The following XPR1 variants were observed in gnomAD, a reference collection of about 807,000 sequenced individuals.
XPR1 encodes solute carrier family 53 member 1.
A neutral mutation model predicts 87.5 loss-of-function variants in XPR1; 28 were observed. The observed-to-expected ratio is 0.32, with a 90% confidence interval of 0.24 to 0.44. The LOEUF (loss-of-function observed/expected upper bound fraction) is 0.44. XPR1 is among the 20% of genes least tolerant of loss of function. The probability of loss-of-function intolerance (pLI) is 1.00; values close to 1 mark genes in which losing one functional copy is unlikely to be tolerated. For synonymous variants in XPR1, 300 were observed against 306.1 expected, an observed-to-expected ratio of 0.98 and a Z score of 0.21; for missense variants, 559 against 862.3, an observed-to-expected ratio of 0.65 and a Z score of 4.41.
At chr1:180,776,423 A>C (rs1648719756) in intron 2 of XPR1, among the ~76,000 whole-genome samples, 1 of 152,056 alleles carries the variant, frequency 6.6e-6, no homozygotes, top group Non-Finnish European at 1.5e-5. Flanking sequence ...GTATAATTGT[A>C]TAATTATACA....
chr1:180,807,777 G>T (rs1650054130), intron 6 of XPR1, among the ~76,000 whole-genome samples: 1 of 152,174 alleles, frequency 6.6e-6, no homozygotes, highest in South Asian at 2.1e-4. Flanking sequence ...GGCTGAGGCA[G>T]GTGGATCACT....
intron 2 of XPR1, among the ~76,000 whole-genome samples, chr1:180,725,000 A>C (rs1658289397): frequency 6.6e-6 from 1 of 152,318 alleles, no homozygotes; most frequent in Non-Finnish European, 1.5e-5. Context: ...CCATGGTGAA[A>C]CAAGGATTGA....
chr1:180,790,435 A>AGG (rs1423896544), intron 3 of XPR1, among the ~76,000 whole-genome samples: 1 of 151,992 alleles, frequency 6.6e-6, no homozygotes, highest in African/African-American at 2.4e-5. Flanking sequence ...CTTTTTCCTT[A>AGG]GGCAGAGGGA....
rs546412582 is a variant in XPR1, at chr1:180,676,251, G to A, written c.70-6109G>A. 2.6e-4 allele frequency among the ~76,000 whole-genome samples: 39 copies of A among 152,228 alleles called. 1 individual carries two copies. The highest frequency in any genetic ancestry group is 3.4e-3 in the Middle Eastern group (1 of 294). Reference sequence around the variant, plus strand: ...TTTGAATTCAATAACTATTTATTGAGCGCCTACTGTGTATAAGTCACTGCA... The same window carrying A: ...TTTGAATTCAATAACTATTTATTGAACGCCTACTGTGTATAAGTCACTGCA... On this transcript the variant is annotated intron_variant, in intron 1 of 14. Transcript: ENST00000367590.
chr1:180,711,794 A>G (rs1224592992), intron 2 of XPR1, among the ~76,000 whole-genome samples: 2 of 152,188 alleles, frequency 1.3e-5, no homozygotes, highest in African/African-American at 2.4e-5. Flanking sequence ...CAAGGTCACA[A>G]AGATTTTCTC....
At chr1:180,833,598 A>G (rs532825114) in intron 9 of XPR1, among the ~76,000 whole-genome samples, 1 of 152,340 alleles carries the variant, frequency 6.6e-6, no homozygotes, top group Admixed American at 6.5e-5. Flanking sequence ...AGGGCATTAC[A>G]TAATGGTAAA....
chr1:180,634,959 A>G (rs1654716494), intron 1 of XPR1, among the ~76,000 whole-genome samples: 1 of 152,112 alleles, frequency 6.6e-6, no homozygotes, highest in African/African-American at 2.4e-5. Context: ...TAAAGTAAGT[A>G]TATAGGGCCA....
intron 9 of XPR1, among the ~76,000 whole-genome samples, chr1:180,830,068 TC>T (rs1226379190): frequency 6.6e-6 from 1 of 152,164 alleles, no homozygotes; most frequent in Non-Finnish European, 1.5e-5. Flanking sequence ...GATTTAGACT[TC>T]CTGATCTTTT....
chr1:180,819,636 T>C (rs997300147), intron 7 of XPR1, among the ~76,000 whole-genome samples: 2 of 152,222 alleles, frequency 1.3e-5, no homozygotes, highest in Non-Finnish European at 2.9e-5. Context: ...CTTTCTTTTA[T>C]GTATGGCCAC....
chr1:180,802,464 A>G (rs1034669737), intron 3 of XPR1, among the ~76,000 whole-genome samples: 9 of 152,206 alleles, frequency 5.9e-5, no homozygotes, highest in African/African-American at 2.2e-4. Flanking sequence ...CTAAAGCCCA[A>G]ATTCTAATCC....
At chr1:180,865,728 C>T (rs961487229) in intron 12 of XPR1, among the ~76,000 whole-genome samples, 1 of 152,050 alleles carries the variant, frequency 6.6e-6, no homozygotes, top group African/African-American at 2.4e-5. Flanking sequence ...AATGTTGATC[C>T]ATTCCCGCTT....
At position 180,848,378 on chromosome 1, in the gene XPR1, T is replaced by TTA. The variant is rs1651758532; in HGVS notation, c.1501+11663_1501+11664insAT. Among the ~76,000 whole-genome samples the TTA allele has an allele frequency of 2.0e-5, 3 of 152,178 alleles. No individual in the cohort carries two copies. The South Asian group carries it at 6.2e-4, about 31-fold the overall frequency. ...ACTTTGTACTTCTATGAGATTAACA[T>TTA]TTTTAGCTTCTACATATGAGTGAGA... On this transcript the variant is annotated intron_variant, in intron 11 of 14. Coordinates refer to ENST00000367590, the MANE Select transcript of XPR1 (RefSeq NM_004736.4).
intron 2 of XPR1, among the ~76,000 whole-genome samples, chr1:180,716,009 A>C (rs573454744): frequency 6.6e-6 from 1 of 152,280 alleles, no homozygotes; most frequent in African/African-American, 2.4e-5. Flanking sequence ...TGAGCTATGT[A>C]TGTGGCTCTC....
rs923987641 is a variant in XPR1 at position 180,885,111 on chromosome 1, G to A, written c.*1045G>A. 4 of 152,536 alleles carry A rather than the reference G, an allele frequency of 2.6e-5. No homozygotes were observed. The highest frequency in any genetic ancestry group is 9.7e-5 in the African/African-American group (4 of 41,406). 9.4% of individuals were successfully genotyped at this position (152,536 alleles called of 1,614,324 possible). On this transcript the variant is annotated 3_prime_UTR_variant, in exon 15 of 15. Transcript: ENST00000367590. ...GGTCCCTGTAGCGTGACCTTTACTA[G>A]CTCTGAATCAGAAGACAGAGCTATT...
At position 180,658,892 on chromosome 1, in the gene XPR1, CTCTGTTG is replaced by C. The variant is rs1655633866; in HGVS notation, c.70-23467_70-23461del. Reference sequence around the variant, plus strand: ...CCGATCATATGGTTTTTATCCTTTACTCTGTTGATATGATGTATCACATTGATTTGTA... The same window carrying C: ...CCGATCATATGGTTTTTATCCTTTACATATGATGTATCACATTGATTTGTA... On this transcript the variant is annotated intron_variant, in intron 1 of 14. Transcript: ENST00000367590. Among the ~76,000 whole-genome samples the C allele has an allele frequency of 2.6e-5, 4 of 152,212 alleles. No homozygotes were observed. In the South Asian group the frequency reaches 8.3e-4, roughly 32 times the overall value.
intron 2 of XPR1, among the ~76,000 whole-genome samples, chr1:180,694,049 C>T (rs895418430): frequency 5.3e-5 from 8 of 152,086 alleles, no homozygotes; most frequent in South Asian, 2.1e-4. Flanking sequence ...CCTCAAACTC[C>T]GGAGCTCAGT....
At chr1:180,668,078 CTATT>C (rs966395052) in intron 1 of XPR1, among the ~76,000 whole-genome samples, 30 of 145,294 alleles carry the variant, frequency 2.1e-4, no homozygotes, top group Admixed American at 2.0e-3. Flanking sequence ...TTTCTATTCT[CTATT>C]TTTTTTATTT....
chr1:180,726,772 A>G (rs1330933098), intron 2 of XPR1, among the ~76,000 whole-genome samples: 1 of 152,184 alleles, frequency 6.6e-6, no homozygotes, highest in Non-Finnish European at 1.5e-5. Flanking sequence ...GGAGGGAGGT[A>G]GAGGGAATAC....
At chr1:180,681,468 ACT>A (rs1192520784) in intron 1 of XPR1, among the ~76,000 whole-genome samples, 1 of 152,046 alleles carries the variant, frequency 6.6e-6, no homozygotes, top group Non-Finnish European at 1.5e-5. Flanking sequence ...ACACGGTGAA[ACT>A]CTGTCTCTAC....
Sources: gnomAD v4.1 joint callset for allele counts (sites outside exome capture counted in the v4.1 genomes callset) on GRCh38, gnomAD v4.1.1 for gene constraint, MANE v1.5 for transcripts, NCBI Gene and HGNC (gene_info 2026-07-23, HGNC 2026-07-21) for gene names.